MOXD1: variants seen among roughly 807,000 people sequenced by gnomAD.
The protein encoded by MOXD1 is DBH-like monooxygenase protein 1.
MOXD1 carries 62 observed loss-of-function variants against 66.6 expected under a neutral mutation model. That is an observed-to-expected ratio of 0.93 (90% CI 0.76 to 1.15). MOXD1 has a LOEUF of 1.15. Ranked by LOEUF, MOXD1 falls within the 50% of genes most tolerant of loss-of-function variation. MOXD1 has a pLI of 0.00. For synonymous variants in MOXD1, 303 were observed against 281.9 expected (o/e 1.07, Z -0.75); for missense variants, 847 against 754.6 (o/e 1.12, Z -1.44).
At chr6:132,395,275 T>G (rs1776846551) in intron 1 of MOXD1, among the ~76,000 whole-genome samples, 1 of 152,130 alleles carries the variant, frequency 6.6e-6, no homozygotes, top group Non-Finnish European at 1.5e-5. Context: ...TTATCACCAC[T>G]AGACCAGATC....
At chr6:132,303,643 G>A (rs761490617) in intron 10 of MOXD1, among the ~76,000 whole-genome samples, 29 of 147,770 alleles carry the variant, frequency 2.0e-4, no homozygotes, top group Non-Finnish European at 3.7e-4. Context: ...ATCTGAAGTT[G>A]GTTGAATCCA....
intron 10 of MOXD1, among the ~76,000 whole-genome samples, chr6:132,310,113 A>G (rs858372): frequency 0.46 from 70,347 of 152,012 alleles, 18,087 homozygotes; most frequent in East Asian, 0.69. Flanking sequence ...TCCAACAAAG[A>G]TCTAATATCC....
At position 132,370,065 on chromosome 6, in the gene MOXD1, A is replaced by C. The variant is rs1776233732; in HGVS notation, c.663+2543T>G. Among the ~76,000 whole-genome samples the C allele has an allele frequency of 2.0e-5, 3 of 152,196 alleles. No individual in the cohort carries two copies. The South Asian group carries it at 6.2e-4, about 32-fold the overall frequency. ...GACACACCACACAATATGATATAAA[A>C]TCAATCTTCTCATTTCTGTGAAAGT... is the stretch of plus-strand genomic sequence containing the variant. On this transcript the variant is annotated intron_variant, in intron 4 of 11. Transcript: ENST00000367963.
At chr6:132,301,313 T>C (rs1774531724) in intron 10 of MOXD1, among the ~76,000 whole-genome samples, 1 of 151,930 alleles carries the variant, frequency 6.6e-6, no homozygotes, top group African/African-American at 2.4e-5. Context: ...CTCTGAGACA[T>C]GTTTTTCTAA....
rs550417978 is a variant in MOXD1 at position 132,338,613 on chromosome 6, C to T, written c.664-10019G>A. Among the ~76,000 whole-genome samples the T allele has an allele frequency of 1.3e-4, 20 of 152,302 alleles. 1 individual carries two copies. The South Asian group carries it at 3.9e-3, about 30-fold the overall frequency. On this transcript the variant is annotated intron_variant, in intron 4 of 11. Transcript: ENST00000367963. ...CCAACCCCCGACCCAGTGTTTTCTC[C>T]TGGCACTTCCTTAGTAAATCAATTG...
chr6:132,304,676 A>AT (rs1485914172), intron 10 of MOXD1, among the ~76,000 whole-genome samples: 1 of 152,152 alleles, frequency 6.6e-6, no homozygotes, highest in East Asian at 1.9e-4. Flanking sequence ...TATAAGTATG[A>AT]TTTTTCTTAC....
intron 1 of MOXD1, among the ~76,000 whole-genome samples, chr6:132,398,842 G>A (rs552325756): frequency 6.7e-6 from 1 of 149,798 alleles, no homozygotes; most frequent in Non-Finnish European, 1.5e-5. Flanking sequence ...GGGAGGCTGA[G>A]GCACGAGAAT....
rs1346308971 is a variant in MOXD1 at position 132,401,375 on chromosome 6, C to T, written c.52G>A (p.Ala18Thr). The change falls in exon 1 of 12, where the codon GCG becomes ACG. Residue 18 changes from alanine to threonine, a missense_variant. Transcript: ENST00000367963. ...LLWGLLPGTA[A>T]GGSGRTYPHR... is the part of the protein sequence containing the mutation. ...GGATAGGTTCGGCCCGAGCCCCCCG[C>T]CGCCGTCCCGGGGAGCAGCCCCCAC... The T allele has an allele frequency of 6.5e-7, 1 of 1,543,364 alleles. No individual in the cohort carries two copies.
At chr6:132,326,228 A>C (rs1031922278) in intron 6 of MOXD1, among the ~76,000 whole-genome samples, 5 of 152,010 alleles carry the variant, frequency 3.3e-5, no homozygotes, top group African/African-American at 1.2e-4. Flanking sequence ...TGTTATATTT[A>C]TAAAAATAAA....
At chr6:132,379,953 C>T (rs528123822) in intron 1 of MOXD1, among the ~76,000 whole-genome samples, 345 of 152,076 alleles carry the variant, frequency 2.3e-3, no homozygotes, top group Non-Finnish European at 4.0e-3. Flanking sequence ...GTTTTCACCA[C>T]GTTGCCCAGG....
intron 4 of MOXD1, among the ~76,000 whole-genome samples, chr6:132,368,115 CA>C (rs1047583745): frequency 4.0e-5 from 6 of 151,882 alleles, no homozygotes; most frequent in Non-Finnish European, 8.8e-5. Context: ...AAAAGCACCT[CA>C]AAAAAAGCAG....
At chr6:132,352,548 C>T (rs1452700404) in intron 4 of MOXD1, among the ~76,000 whole-genome samples, 1 of 152,078 alleles carries the variant, frequency 6.6e-6, no homozygotes, top group Non-Finnish European at 1.5e-5. Flanking sequence ...GTTTTATGGC[C>T]TATCACGTGT....
intron 4 of MOXD1, among the ~76,000 whole-genome samples, chr6:132,363,755 C>CA (rs879444246): frequency 6.6e-6 from 1 of 151,788 alleles, no homozygotes; most frequent in East Asian, 1.9e-4. Context: ...TTTAAAGTAT[C>CA]AAAAAAACAA....
intron 6 of MOXD1, among the ~76,000 whole-genome samples, chr6:132,324,366 G>A (rs577828685): frequency 1.6e-4 from 24 of 152,220 alleles, no homozygotes; most frequent in South Asian, 4.1e-4. Context: ...AAATGTTTCC[G>A]TTATCTGGCT....
At chr6:132,380,973 G>T (rs1320803406) in intron 1 of MOXD1, among the ~76,000 whole-genome samples, 1 of 152,080 alleles carries the variant, frequency 6.6e-6, no homozygotes, top group Non-Finnish European at 1.5e-5. Flanking sequence ...GTTTATACAT[G>T]CAACAACTAT....
At chr6:132,354,580 T>G (rs1157885298) in intron 4 of MOXD1, among the ~76,000 whole-genome samples, 1 of 152,138 alleles carries the variant, frequency 6.6e-6, no homozygotes, top group Non-Finnish European at 1.5e-5. Flanking sequence ...ATGGGCTCTG[T>G]GAGGGTTCTT....
chr6:132,382,478 A>T (rs1434247580), intron 1 of MOXD1, among the ~76,000 whole-genome samples: 5 of 152,046 alleles, frequency 3.3e-5, no homozygotes, highest in Admixed American at 6.6e-5. Flanking sequence ...ATGAATCATC[A>T]CTGAGGTATG....
intron 1 of MOXD1, among the ~76,000 whole-genome samples, chr6:132,397,546 T>C (rs1166170260): frequency 1.3e-5 from 2 of 151,926 alleles, no homozygotes; most frequent in Non-Finnish European, 2.9e-5. Flanking sequence ...GCACACTATA[T>C]GATGGTTGAA....
intron 4 of MOXD1, among the ~76,000 whole-genome samples, chr6:132,333,069 G>A (rs1775357968): frequency 6.6e-6 from 1 of 152,138 alleles, no homozygotes; most frequent in South Asian, 2.1e-4. Context: ...GGGCGCTGTG[G>A]CTCACGCCTG....
Sources: gnomAD v4.1 joint callset for allele counts (sites outside exome capture counted in the v4.1 genomes callset) on GRCh38, gnomAD v4.1.1 for gene constraint, MANE v1.5 for transcripts, NCBI Gene and HGNC (gene_info 2026-07-23, HGNC 2026-07-21) for gene names.